Variants in NGEF observed in about 807,000 individuals in gnomAD.
The protein encoded by NGEF is neuronal guanine nucleotide exchange factor, also known as ephexin-1.
A neutral mutation model predicts 80.9 loss-of-function variants in NGEF; 31 were observed. The ratio of observed to expected loss-of-function variants is 0.38; its 90% CI spans 0.29 to 0.52. The LOEUF is 0.52. NGEF is among the 20% of genes least tolerant of loss of function. The pLI is 0.84. For synonymous variants in NGEF, 371 were observed against 370.2 expected (o/e 1.00, Z -0.03); for missense variants, 709 against 926.2 (o/e 0.77, Z 3.04).
At chr2:232,908,040 G>A (rs1692608987) in intron 5 of NGEF, among the ~76,000 whole-genome samples, 1 of 152,046 alleles carries the variant, frequency 6.6e-6, no homozygotes, top group Non-Finnish European at 1.5e-5. Context: ...AACCCAGGAG[G>A]TGGAGGCTTC....
At chr2:233,000,345 C>T (rs1694943880) in intron 1 of NGEF, among the ~76,000 whole-genome samples, 1 of 152,212 alleles carries the variant, frequency 6.6e-6, no homozygotes, top group South Asian at 2.1e-4. Flanking sequence ...GATCCTCCTG[C>T]TTTGGCCTCC....
intron 5 of NGEF, among the ~76,000 whole-genome samples, chr2:232,910,010 T>C (rs780546340): frequency 6.6e-6 from 1 of 152,214 alleles, no homozygotes; most frequent in Non-Finnish European, 1.5e-5. Context: ...CTATTATCTG[T>C]TGAAGGACCT....
intron 8 of NGEF, among the ~76,000 whole-genome samples, chr2:232,889,047 C>T (rs1442229603): frequency 6.6e-6 from 1 of 152,146 alleles, no homozygotes; most frequent in Non-Finnish European, 1.5e-5. Flanking sequence ...AGATGTCTCC[C>T]CTGACAGCAG....
At position 232,970,474 on chromosome 2, in the gene NGEF, G is replaced by A. The variant is rs1574645179; in HGVS notation, c.269-146C>T. The A allele has an allele frequency of 1.1e-5, 6 of 565,490 alleles. No individual in the cohort carries two copies. The East Asian group carries it at 2.1e-4, about 20-fold the overall frequency. The allele number at this position is 565,490 out of a possible 1,614,324, so 35.0% of individuals were successfully genotyped here. ...AGGGGTGTCCCTCCCCTCACTCCCTGAAGGGGAGTTTGTCACACCTCATGC... is the reference window on the plus strand; with the variant it reads ...AGGGGTGTCCCTCCCCTCACTCCCTAAAGGGGAGTTTGTCACACCTCATGC... On this transcript the variant is annotated intron_variant, in intron 2 of 14. Coordinates refer to ENST00000264051, the MANE Select transcript of NGEF (RefSeq NM_019850.3).
intron 1 of NGEF, among the ~76,000 whole-genome samples, chr2:233,008,881 A>G (rs1695144633): frequency 6.6e-6 from 1 of 150,844 alleles, no homozygotes; most frequent in Non-Finnish European, 1.5e-5. Context: ...GCTCACTGCA[A>G]CCTCCACCTC....
At chr2:233,000,390 CCCAG>C (rs1438535553) in intron 1 of NGEF, among the ~76,000 whole-genome samples, 3 of 152,090 alleles carry the variant, frequency 2.0e-5, no homozygotes, top group Non-Finnish European at 1.5e-5. Flanking sequence ...AGCCACCGTG[CCCAG>C]CCTCTTCCTC....
intron 4 of NGEF, among the ~76,000 whole-genome samples, chr2:232,922,070 C>T (rs1317271678): frequency 2.0e-5 from 3 of 152,194 alleles, no homozygotes; most frequent in African/African-American, 7.2e-5. Context: ...CCTGGTCTGG[C>T]ACTTGGGATA....
intron 3 of NGEF, among the ~76,000 whole-genome samples, chr2:232,944,268 G>A (rs1693504086): frequency 6.6e-6 from 1 of 152,016 alleles, no homozygotes; most frequent in South Asian, 2.1e-4. Context: ...AAGAGAAAAA[G>A]AACTACAAGT....
At chr2:232,904,614 G>C (rs2257942) in intron 5 of NGEF, among the ~76,000 whole-genome samples, 1 of 152,062 alleles carries the variant, frequency 6.6e-6, no homozygotes. Context: ...CACTATCCCA[G>C]AAGGGTGGGA....
intron 9 of NGEF, among the ~76,000 whole-genome samples, chr2:232,887,020 C>T (rs542728525): frequency 1.8e-4 from 27 of 152,202 alleles, no homozygotes; most frequent in Non-Finnish European, 3.5e-4. Flanking sequence ...AGGAGTGGCC[C>T]GAGGTGGGAA....
In NGEF at chr2:232,879,458, G is replaced by T. The variant is rs1224043314; in HGVS notation, c.*31C>A. ...CACCTTCTGTCGGGGTCTCATGCAGGCCCTGCTCCCGCTGGCCCCCTGGGT... is the reference window on the plus strand; with the variant it reads ...CACCTTCTGTCGGGGTCTCATGCAGTCCCTGCTCCCGCTGGCCCCCTGGGT... On this transcript the variant is annotated 3_prime_UTR_variant, in exon 15 of 15. Transcript: ENST00000264051. The T allele has an allele frequency of 6.5e-7, 1 of 1,528,242 alleles. No homozygotes were observed. The highest frequency in any genetic ancestry group is 1.7e-5 in the Admixed American group (1 of 58,810). The allele number at this position is 1,528,242 out of a possible 1,614,324, so 94.7% of individuals were successfully genotyped here.
intron 4 of NGEF, among the ~76,000 whole-genome samples, chr2:232,924,252 A>T (rs1280859070): frequency 2.0e-5 from 3 of 152,020 alleles, no homozygotes; most frequent in Non-Finnish European, 4.4e-5. Flanking sequence ...TAAATAAATA[A>T]ATAAATACAT....
intron 3 of NGEF, among the ~76,000 whole-genome samples, chr2:232,942,615 G>A (rs1693459117): frequency 6.6e-6 from 1 of 152,096 alleles, no homozygotes; most frequent in Admixed American, 6.5e-5. Flanking sequence ...TCCAACTCAC[G>A]CCTGTAATCC....
intron 3 of NGEF, among the ~76,000 whole-genome samples, chr2:232,961,251 T>G (rs1024848151): frequency 1.3e-5 from 2 of 152,170 alleles, no homozygotes; most frequent in African/African-American, 4.8e-5. Flanking sequence ...CTTATCTCCA[T>G]TCTCTGCTCT....
At chr2:232,982,667 C>T (rs770528317) in intron 1 of NGEF, among the ~76,000 whole-genome samples, 12 of 152,210 alleles carry the variant, frequency 7.9e-5, no homozygotes, top group Non-Finnish European at 1.6e-4. Context: ...GTGCCCGCTA[C>T]CACATCTGGC....
intron 5 of NGEF, among the ~76,000 whole-genome samples, chr2:232,906,063 G>T (rs1692514714): frequency 7.5e-6 from 1 of 133,120 alleles, no homozygotes. Context: ...CCGTCCGGGA[G>T]GGAGGTGAGG....
Position 232,982,174 on chromosome 2 carries a change from G to A in NGEF, c.-74-7210C>T, listed in dbSNP as rs566741783. ...CCATGCCTGGAGCACAAGGGCAGCTGCTGCCCAGCAGGTGACACTGAAACA... is the reference window on the plus strand; with the variant it reads ...CCATGCCTGGAGCACAAGGGCAGCTACTGCCCAGCAGGTGACACTGAAACA... On this transcript the variant is annotated intron_variant, in intron 1 of 14. Coordinates refer to ENST00000264051, the MANE Select transcript of NGEF (RefSeq NM_019850.3). 2.0e-5 allele frequency among the ~76,000 whole-genome samples: 3 copies of A among 152,292 alleles called. No homozygotes were observed. In the East Asian group the frequency reaches 5.8e-4, roughly 29 times the overall value.
intron 3 of NGEF, among the ~76,000 whole-genome samples, chr2:232,949,684 G>A (rs1208351814): frequency 1.5e-4 from 23 of 151,400 alleles, no homozygotes; most frequent in Admixed American, 1.5e-3. Flanking sequence ...TCTCCGTGTT[G>A]GTCAGGCTGG....
intron 1 of NGEF, among the ~76,000 whole-genome samples, chr2:233,006,718 C>T (rs1284879379): frequency 1.3e-5 from 2 of 152,128 alleles, no homozygotes; most frequent in East Asian, 1.9e-4. Context: ...TTCTGTGCAC[C>T]ATCTCATTGA....
Sources: allele counts gnomAD v4.1 joint callset (sites outside exome capture counted in the v4.1 genomes callset), GRCh38; gene constraint gnomAD v4.1.1; transcripts MANE v1.5; gene names NCBI Gene and HGNC (gene_info 2026-07-23, HGNC 2026-07-21).